CDH13: variants seen among roughly 807,000 people sequenced by gnomAD.
CDH13 encodes the protein cadherin 13.
CDH13 carries 24 observed loss-of-function variants against 63.8 expected under a neutral mutation model. The ratio of observed to expected loss-of-function variants is 0.38; its 90% CI spans 0.27 to 0.53. CDH13 has a LOEUF of 0.53. Ranked by LOEUF, CDH13 falls within the 20% of genes least tolerant of loss-of-function variation. The pLI is 0.85. For synonymous variants in CDH13, 503 were observed against 355.3 expected (o/e 1.42, Z -4.67); for missense variants, 1,049 against 903.1 (o/e 1.16, Z -2.07).
chr16:82,732,730 A>C (rs756689481), intron 1 of CDH13, among the ~76,000 whole-genome samples: 9 of 152,142 alleles, frequency 5.9e-5, no homozygotes, highest in Non-Finnish European at 1.0e-4. Flanking sequence ...AAGGCTTACT[A>C]TTATTCATAC....
chr16:83,500,684 C>G (rs1430297743), intron 7 of CDH13, among the ~76,000 whole-genome samples: 1 of 148,132 alleles, frequency 6.8e-6, no homozygotes, highest in Non-Finnish European at 1.5e-5. Flanking sequence ...GCAATTCTCG[C>G]ACCTCAGCCT....
chr16:82,858,634 G>T, intron 2 of CDH13, 161 bp downstream of exon 2: 1 of 678,256 alleles, frequency 1.5e-6, no homozygotes, highest in Non-Finnish European at 2.7e-6. Flanking sequence ...TTGAATGAGG[G>T]CCTGGCCAAC....
intron 5 of CDH13, among the ~76,000 whole-genome samples, chr16:83,322,312 G>C (rs1180078751): frequency 1.3e-5 from 2 of 152,214 alleles, no homozygotes; most frequent in African/African-American, 4.8e-5. Context: ...CCTGCAGTGA[G>C]ACCATTGCTT....
chr16:82,963,340 T>C (rs758446094), intron 2 of CDH13, among the ~76,000 whole-genome samples: 42 of 152,042 alleles, frequency 2.8e-4, no homozygotes, highest in Non-Finnish European at 4.4e-5. Flanking sequence ...GAATGCACCA[T>C]TGCACTCCAG....
At chr16:83,733,151 T>C (rs891289645) in intron 10 of CDH13, among the ~76,000 whole-genome samples, 1 of 152,210 alleles carries the variant, frequency 6.6e-6, no homozygotes, top group African/African-American at 2.4e-5. Flanking sequence ...ATGTATGGAA[T>C]GAACACTGGA....
chr16:82,970,575 A>G (rs1312783159), intron 2 of CDH13, among the ~76,000 whole-genome samples: 1 of 145,912 alleles, frequency 6.9e-6, no homozygotes, highest in African/African-American at 2.5e-5. Flanking sequence ...AATTTTTTGT[A>G]TTTTTAGTAG....
intron 1 of CDH13, among the ~76,000 whole-genome samples, chr16:82,688,120 G>C (rs1915269257): frequency 6.6e-6 from 1 of 152,134 alleles, no homozygotes; most frequent in South Asian, 2.1e-4. Flanking sequence ...TTCTGTCCTG[G>C]AATCTCTAAA....
intron 1 of CDH13, chr16:82,829,487 T>G (rs1304906213): frequency 6.6e-6 from 1 of 151,994 alleles, no homozygotes; most frequent in Non-Finnish European, 1.5e-5. Context: ...CAAGAGGAAA[T>G]AATTTGATTT....
chr16:83,080,871 GTTTTT>G (rs71148809), intron 3 of CDH13, among the ~76,000 whole-genome samples: 31 of 46,954 alleles, frequency 6.6e-4, no homozygotes, highest in African/African-American at 2.4e-3. Context: ...TTGTTTTTGT[GTTTTT>G]TTTTTTTTTT....
chr16:83,048,675 G>A (rs922537032), intron 3 of CDH13, among the ~76,000 whole-genome samples: 5 of 152,010 alleles, frequency 3.3e-5, no homozygotes, highest in East Asian at 1.9e-4. Flanking sequence ...GAGAAAGACC[G>A]ATTCTTCCTC....
chr16:83,125,317 A>G lies in CDH13; in HGVS notation c.367-68A>G, dbSNP rs182303342. ...TATGCTTTCCCAACAAAGGAACTCTATCTCGGAGCAGACTGATACATCATT... is the reference window on the plus strand; with the variant it reads ...TATGCTTTCCCAACAAAGGAACTCTGTCTCGGAGCAGACTGATACATCATT... On this transcript the variant is annotated intron_variant, in intron 3 of 13. Coordinates refer to ENST00000567109, the MANE Select transcript of CDH13 (RefSeq NM_001257.5). 337 of 850,238 alleles carry G rather than the reference A, an allele frequency of 4.0e-4. No homozygotes were observed. The East Asian group carries it at 4.0e-3, about 10-fold the overall frequency. The allele number at this position is 850,238 out of a possible 1,614,324, so 52.7% of individuals were successfully genotyped here.
intron 8 of CDH13, among the ~76,000 whole-genome samples, chr16:83,611,342 T>TG (rs1908843749): frequency 6.6e-6 from 1 of 152,138 alleles, no homozygotes; most frequent in Non-Finnish European, 1.5e-5. Context: ...CCCAAAGGTT[T>TG]AATTTCATTG....
chr16:82,659,703 C>T (rs547668472), intron 1 of CDH13, among the ~76,000 whole-genome samples: 83 of 152,198 alleles, frequency 5.5e-4, no homozygotes, highest in Non-Finnish European at 9.6e-4. Context: ...CTAGGAGACT[C>T]ATGAAAACGT....
At chr16:82,870,189 A>T (rs2040294984) in intron 2 of CDH13, among the ~76,000 whole-genome samples, 1 of 152,180 alleles carries the variant, frequency 6.6e-6, no homozygotes, top group Non-Finnish European at 1.5e-5. Flanking sequence ...AAGGAAGACA[A>T]ATGGGTAACA....
At chr16:83,307,615 A>G (rs1303079765) in intron 5 of CDH13, among the ~76,000 whole-genome samples, 1 of 152,234 alleles carries the variant, frequency 6.6e-6, no homozygotes, top group Non-Finnish European at 1.5e-5. Flanking sequence ...GTTACAAAGT[A>G]AAATAAACCC....
At chr16:82,775,382 G>C (rs2035447866) in intron 1 of CDH13, among the ~76,000 whole-genome samples, 1 of 152,192 alleles carries the variant, frequency 6.6e-6, no homozygotes, top group Admixed American at 6.5e-5. Context: ...GTATGTATGA[G>C]CATGGGGAAG....
At chr16:82,764,460 G>T (rs1366003248) in intron 1 of CDH13, among the ~76,000 whole-genome samples, 2 of 152,202 alleles carry the variant, frequency 1.3e-5, no homozygotes, top group Non-Finnish European at 1.5e-5. Flanking sequence ...AGAGGGAAGA[G>T]GTTTAACCTG....
At position 83,170,501 on chromosome 16, in the gene CDH13, T is replaced by C. The variant is rs117875066; in HGVS notation, c.483+45000T>C. Among the ~76,000 whole-genome samples, 366 of 152,236 alleles carry C rather than the reference T, an allele frequency of 2.4e-3. 6 individuals carry two copies. Among genetic ancestry groups the C allele is most frequent in the Admixed American group, 0.017 (260 of 15,282 alleles). Reference sequence around the variant, plus strand: ...AGGCAAAGCGTGAGAAACTCACCAATACAATTTCCCCCAATTCCACTCTAT... The same window carrying C: ...AGGCAAAGCGTGAGAAACTCACCAACACAATTTCCCCCAATTCCACTCTAT... On this transcript the variant is annotated intron_variant, in intron 4 of 13. Transcript: ENST00000567109.
At chr16:83,315,099 G>A (rs2090079035) in intron 5 of CDH13, among the ~76,000 whole-genome samples, 2 of 152,196 alleles carry the variant, frequency 1.3e-5, no homozygotes, top group African/African-American at 4.8e-5. Flanking sequence ...CAGAGTTACA[G>A]AATGCAGAAG....
Sources: allele counts gnomAD v4.1 joint callset (sites outside exome capture counted in the v4.1 genomes callset), GRCh38; gene constraint gnomAD v4.1.1; transcripts MANE v1.5; gene names NCBI Gene and HGNC (gene_info 2026-07-23, HGNC 2026-07-21).